TXNL4A: variants seen among roughly 807,000 people sequenced by gnomAD.
TXNL4A encodes thioredoxin-like protein 4A.
A neutral mutation model predicts 14.6 loss-of-function variants in TXNL4A; 17 were observed. That is an observed-to-expected ratio of 1.16 (90% CI 0.80 to 1.74). The LOEUF is 1.74. Ranked by LOEUF, TXNL4A falls within the 40% of genes most tolerant of loss-of-function variation. TXNL4A has a pLI of 0.00. For synonymous variants in TXNL4A, 83 were observed against 70.6 expected (o/e 1.18, Z -0.88); for missense variants, 74 against 195.2 (o/e 0.38, Z 3.70).
chr18:79,997,907 C>A (rs1380844670), intron 1 of TXNL4A, among the ~76,000 whole-genome samples: 2 of 152,172 alleles, frequency 1.3e-5, no homozygotes, highest in African/African-American at 4.8e-5. Context: ...TGAGTATTAA[C>A]CCTGACAGAG....
rs557923066 is a variant in TXNL4A, at chr18:80,013,679, C to T, written c.-61+20172G>A. Among the ~76,000 whole-genome samples the T allele has an allele frequency of 2.3e-3, 352 of 152,180 alleles. 11 individuals are homozygous for T. The South Asian group carries it at 0.064, about 28-fold the overall frequency. ...CAGGCTGGTCTCGAACTCCTGACCT[C>T]GTGATCCACCCACCTCAGTCTCCCA... On this transcript the variant is annotated intron_variant, in intron 1 of 2. Coordinates refer to the TXNL4A transcript ENST00000585474.
At chr18:80,033,186 TAC>T (rs1024608244) in intron 1 of TXNL4A, among the ~76,000 whole-genome samples, 5 of 152,094 alleles carry the variant, frequency 3.3e-5, no homozygotes, top group Non-Finnish European at 7.4e-5. Context: ...TACATACGCA[TAC>T]ACACACACAT....
In TXNL4A at chr18:80,015,172, T is replaced by A. The variant is rs765127685; in HGVS notation, c.-61+18679A>T. Among the ~76,000 whole-genome samples the A allele has an allele frequency of 2.4e-3, 352 of 149,248 alleles. 1 individual carries two copies. The highest frequency in any genetic ancestry group is 3.0e-3 in the Non-Finnish European group (203 of 66,634). ...AGACCTATGACGTGCCCTGGAGACA[T>A]TTTCCCCATTGTCTTGGGGACTAAC... On this transcript the variant is annotated intron_variant, in intron 1 of 2. Coordinates refer to the TXNL4A transcript ENST00000585474.
chr18:79,989,439 A>AT (rs2051608525), upstream of TXNL4A, among the ~76,000 whole-genome samples: 1 of 152,182 alleles, frequency 6.6e-6, no homozygotes, highest in Non-Finnish European at 1.5e-5. Flanking sequence ...TAGCTTCAGC[A>AT]TAACTTCCAC....
At chr18:80,031,392 T>G (rs1342513568) in intron 1 of TXNL4A, among the ~76,000 whole-genome samples, 1 of 152,262 alleles carries the variant, frequency 6.6e-6, no homozygotes, top group Non-Finnish European at 1.5e-5. Context: ...CACTAACTTA[T>G]GGCTGTGGTC....
chr18:80,033,468 T>C (rs1411314837), intron 1 of TXNL4A, among the ~76,000 whole-genome samples: 1 of 152,168 alleles, frequency 6.6e-6, no homozygotes, highest in Non-Finnish European at 1.5e-5. Flanking sequence ...CGAGACCACT[T>C]CTGGGGAGGA....
chr18:80,027,524 G>C (rs1414134983), intron 1 of TXNL4A, among the ~76,000 whole-genome samples: 1 of 152,096 alleles, frequency 6.6e-6, no homozygotes, highest in Admixed American at 6.5e-5. Flanking sequence ...GCTGGTATTT[G>C]TTTACCTTTA....
intron 2 of TXNL4A, among the ~76,000 whole-genome samples, chr18:79,974,657 T>C (rs766120148): frequency 1.1e-4 from 17 of 152,290 alleles, no homozygotes; most frequent in Non-Finnish European, 2.2e-4. Flanking sequence ...TTTCTAGTTT[T>C]TTGTAAAGAT....
chr18:79,981,711 A>G (rs1599721237), intron 1 of TXNL4A, among the ~76,000 whole-genome samples: 1 of 152,212 alleles, frequency 6.6e-6, no homozygotes, highest in Admixed American at 6.5e-5. Flanking sequence ...GCAACTGAGT[A>G]ACTGTAACTT....
intron 1 of TXNL4A, among the ~76,000 whole-genome samples, chr18:79,999,410 C>T (rs1755893827): frequency 1.3e-5 from 2 of 151,914 alleles, no homozygotes; most frequent in African/African-American, 4.8e-5. Context: ...GTGGCGGGTG[C>T]CTGTAATCCC....
intron 1 of TXNL4A, among the ~76,000 whole-genome samples, chr18:79,996,277 A>G (rs1441576702): frequency 6.6e-6 from 1 of 152,128 alleles, no homozygotes; most frequent in East Asian, 1.9e-4. Context: ...AGATTGATAT[A>G]ATGATAAACC....
At chr18:79,992,625 A>G (rs1191098029), upstream of TXNL4A, among the ~76,000 whole-genome samples, 1 of 152,156 alleles carries the variant, frequency 6.6e-6, no homozygotes, top group Admixed American at 6.5e-5. Flanking sequence ...ATGATAACCT[A>G]CACGCCTCCC....
chr18:79,973,618 A>G lies in TXNL4A; in HGVS notation c.*67T>C. 6.5e-7 allele frequency: 1 copy of G among 1,535,730 alleles called. No homozygotes were observed. Among genetic ancestry groups the G allele is most frequent in the Non-Finnish European group, 8.7e-7 (1 of 1,143,718 alleles). ...GCTTCCTGTATTTTCCAAAGGCTTT[A>G]AATAGCTTAAAACGTTTCCATACAA... On this transcript the variant is annotated 3_prime_UTR_variant, in exon 3 of 3. Coordinates refer to ENST00000269601, the MANE Select transcript of TXNL4A (RefSeq NM_006701.5).
intron 1 of TXNL4A, among the ~76,000 whole-genome samples, chr18:79,979,808 T>G (rs1390436257): frequency 6.6e-6 from 1 of 152,226 alleles, no homozygotes; most frequent in Non-Finnish European, 1.5e-5. Flanking sequence ...CATACTTCAT[T>G]ATTTCCTAAA....
At chr18:80,016,733 G>A (rs1361255835) in intron 1 of TXNL4A, among the ~76,000 whole-genome samples, 6 of 150,832 alleles carry the variant, frequency 4.0e-5, no homozygotes, top group Non-Finnish European at 8.9e-5. Context: ...TCTCTGTTTT[G>A]GTACCAGTAC....
chr18:79,987,416 A>G (rs1227514271), intron 1 of TXNL4A, among the ~76,000 whole-genome samples: 1 of 152,208 alleles, frequency 6.6e-6, no homozygotes, highest in Non-Finnish European at 1.5e-5. Flanking sequence ...GATAGCTTCA[A>G]TGTTACTTTT....
In TXNL4A at chr18:79,982,059, G is replaced by A. The variant is rs1324334467; in HGVS notation, c.154-4358C>T. On this transcript the variant is annotated intron_variant, in intron 1 of 2. Transcript: ENST00000269601. This position sits in a 1 kb window ranked among gnomAD's most constrained non-coding sequence, Gnocchi z 4.0. Reference sequence around the variant, plus strand: ...TGCACTCTGTCTGGCTCCAAAGCCTGAACTCTGGATGACAGAATCAGCCTA... The same window carrying A: ...TGCACTCTGTCTGGCTCCAAAGCCTAAACTCTGGATGACAGAATCAGCCTA... Among the ~76,000 whole-genome samples the A allele has an allele frequency of 6.6e-6, 1 of 152,230 alleles. No homozygotes were observed. The highest frequency in any genetic ancestry group is 2.4e-5 in the African/African-American group (1 of 41,468).
chr18:80,031,395 C>T (rs1228441897), intron 1 of TXNL4A, among the ~76,000 whole-genome samples: 12 of 152,222 alleles, frequency 7.9e-5, no homozygotes, highest in Admixed American at 7.9e-4. Flanking sequence ...TAACTTATGG[C>T]TGTGGTCACC....
At chr18:79,995,089 T>C (rs775353751) in intron 1 of TXNL4A, 3 of 152,256 alleles carry the variant, frequency 2.0e-5, no homozygotes, top group Non-Finnish European at 4.4e-5. Flanking sequence ...TCAACCCTGG[T>C]TAATGGCTGA....
Sources: allele counts gnomAD v4.1 joint callset (sites outside exome capture counted in the v4.1 genomes callset), GRCh38; gene constraint gnomAD v4.1.1; non-coding constraint Gnocchi (gnomAD v3.1); transcripts MANE v1.5; gene names NCBI Gene and HGNC (gene_info 2026-07-23, HGNC 2026-07-21).